The following ROBO2 variants were observed in gnomAD, a reference collection of about 807,000 sequenced individuals.
ROBO2 encodes roundabout guidance receptor 2, also known as roundabout homolog 2.
A neutral mutation model predicts 160.8 loss-of-function variants in ROBO2; 53 were observed. That is an observed-to-expected ratio of 0.33 (90% CI 0.26 to 0.41). The LOEUF (loss-of-function observed/expected upper bound fraction) is 0.41, where lower values mean the gene tolerates loss of function less well. Among genes scored for constraint, ROBO2 ranks in the 10% least tolerant of loss-of-function variants. The pLI is 1.00. For missense variants in ROBO2, 1,577 were observed against 1,722.4 expected (o/e 0.92, Z 1.49); for synonymous variants, 664 against 611.7 (o/e 1.09, Z -1.26).
intron 24 of ROBO2, among the ~76,000 whole-genome samples, chr3:77,640,146 C>G (rs996925723): frequency 1.6e-4 from 20 of 124,676 alleles, no homozygotes; most frequent in African/African-American, 6.0e-4. Context: ...GAGTCTCGCT[C>G]TATCCGCCAG....
At position 77,607,987 on chromosome 3, in the gene ROBO2, A is replaced by C. The variant is rs774044108; in HGVS notation, c.3293+33A>C. 4 of 1,609,930 alleles carry C rather than the reference A, an allele frequency of 2.5e-6. No individual in the cohort carries two copies. The South Asian group carries it at 4.4e-5, about 18-fold the overall frequency. ...TATTTTATATACTAGCAAAATGGCC[A>C]GGGCTCTCCTCTCCTCTCTGTTGTT... On this transcript the variant is annotated intron_variant, in intron 21 of 25. Coordinates refer to ENST00000461745, the Ensembl canonical transcript of ROBO2.
intron 2 of ROBO2, among the ~76,000 whole-genome samples, chr3:75,971,756 A>G (rs2065001481): frequency 6.6e-6 from 1 of 151,500 alleles, no homozygotes; most frequent in Admixed American, 6.6e-5. Flanking sequence ...ACCAATATAT[A>G]TAAAATTTTT....
chr3:76,110,383 A>AT (rs2070171898), intron 2 of ROBO2, among the ~76,000 whole-genome samples: 1 of 152,098 alleles, frequency 6.6e-6, no homozygotes, highest in Non-Finnish European at 1.5e-5. Flanking sequence ...TGGAGTGAGG[A>AT]TAGGAAGCCA....
intron 2 of ROBO2, among the ~76,000 whole-genome samples, chr3:76,954,297 C>G (rs1200829130): frequency 2.0e-5 from 3 of 152,104 alleles, no homozygotes; most frequent in Non-Finnish European, 4.4e-5. Context: ...AAAACTTCTG[C>G]CAATATTTTA....
chr3:77,339,357 TAAAG>T (rs1456054589), intron 2 of ROBO2, among the ~76,000 whole-genome samples: 1 of 152,076 alleles, frequency 6.6e-6, no homozygotes, highest in African/African-American at 2.4e-5. Context: ...GGTCAGGTGA[TAAAG>T]AAAAGTGTGG....
chr3:77,603,514 A>T, intron 20 of ROBO2, among the ~76,000 whole-genome samples: 2 of 152,280 alleles, frequency 1.3e-5, no homozygotes, highest in Middle Eastern at 6.8e-3. Flanking sequence ...TATCTATTGA[A>T]TGATATTCTA....
intron 2 of ROBO2, among the ~76,000 whole-genome samples, chr3:76,105,248 C>A (rs2069871557): frequency 6.6e-6 from 1 of 151,606 alleles, no homozygotes; most frequent in African/African-American, 2.4e-5. Flanking sequence ...CCCTATCACC[C>A]AAATTGACAG....
intron 2 of ROBO2, among the ~76,000 whole-genome samples, chr3:76,230,579 C>G (rs1704562397): frequency 6.6e-6 from 1 of 152,058 alleles, no homozygotes; most frequent in Non-Finnish European, 1.5e-5. Flanking sequence ...TGGCCCTTTT[C>G]TCTTCTCATT....
At chr3:76,618,015 C>G (rs896178778) in intron 2 of ROBO2, among the ~76,000 whole-genome samples, 2 of 151,574 alleles carry the variant, frequency 1.3e-5, no homozygotes, top group Non-Finnish European at 2.9e-5. Context: ...CATATCACCA[C>G]CGAACTTCCA....
intron 2 of ROBO2, among the ~76,000 whole-genome samples, chr3:77,252,950 G>A (rs2090548068): frequency 1.3e-5 from 2 of 149,290 alleles, no homozygotes; most frequent in Admixed American, 6.7e-5. Flanking sequence ...ATGGCTAGCT[G>A]TACTAATTTC....
chr3:76,150,387 T>G (rs369807699), intron 2 of ROBO2, among the ~76,000 whole-genome samples: 8 of 4,426 alleles, frequency 1.8e-3, no homozygotes, highest in South Asian at 0.016. Flanking sequence ...AAGCACACCT[T>G]TTTAAAACAC....
intron 2 of ROBO2, among the ~76,000 whole-genome samples, chr3:76,430,270 T>A (rs919380277): frequency 6.6e-6 from 1 of 152,106 alleles, no homozygotes; most frequent in Admixed American, 6.6e-5. Flanking sequence ...ACTATAATAG[T>A]CTCTTAACTT....
At chr3:77,644,120 T>TAA (rs35421897) in intron 24 of ROBO2, among the ~76,000 whole-genome samples, 21 of 150,574 alleles carry the variant, frequency 1.4e-4, no homozygotes, top group African/African-American at 3.9e-4. Context: ...AGACAATCTG[T>TAA]AAAAAAAAAA....
intron 5 of ROBO2, among the ~76,000 whole-genome samples, chr3:77,510,108 A>C (rs2153614983): frequency 6.6e-6 from 1 of 152,170 alleles, no homozygotes; most frequent in African/African-American, 2.4e-5. Context: ...TGTCACATAT[A>C]GACTGAGTTC....
At chr3:77,352,425 T>G (rs72897241) in intron 2 of ROBO2, among the ~76,000 whole-genome samples, 5,750 of 152,148 alleles carry the variant, frequency 0.038, 356 homozygotes, top group African/African-American at 0.13. Flanking sequence ...CACAGCAGCA[T>G]CAGCCCAGAG....
intron 13 of ROBO2, among the ~76,000 whole-genome samples, chr3:77,570,467 G>A (rs2093610345): frequency 6.6e-6 from 1 of 151,876 alleles, no homozygotes; most frequent in African/African-American, 2.4e-5. Flanking sequence ...TCAGAGCAGA[G>A]TGTCTATTAT....
chr3:76,153,023 T>G (rs2072267864), intron 2 of ROBO2, among the ~76,000 whole-genome samples: 1 of 152,160 alleles, frequency 6.6e-6, no homozygotes, highest in Admixed American at 6.6e-5. Flanking sequence ...AATATGATAA[T>G]GCAACCTGAG....
intron 2 of ROBO2, among the ~76,000 whole-genome samples, chr3:76,503,000 A>ATGTGTGTG (rs76969660): frequency 1.7e-4 from 24 of 143,144 alleles, no homozygotes; most frequent in Middle Eastern, 3.5e-3. Context: ...ATATATATAT[A>ATGTGTGTG]TGTGTGTGTG....
intron 21 of ROBO2, among the ~76,000 whole-genome samples, chr3:77,616,756 T>C (rs2094787710): frequency 6.6e-6 from 1 of 152,184 alleles, no homozygotes; most frequent in African/African-American, 2.4e-5. Flanking sequence ...TGGTTAAAAC[T>C]TTTTGGATTA....
Sources: gnomAD v4.1 joint callset for allele counts (sites outside exome capture counted in the v4.1 genomes callset) on GRCh38, gnomAD v4.1.1 for gene constraint, MANE v1.5 for transcripts, NCBI Gene and HGNC (gene_info 2026-07-23, HGNC 2026-07-21) for gene names.